ZNF366: variants seen among roughly 807,000 people sequenced by gnomAD.
ZNF366 encodes the protein dendritic cell-specific transcript protein.
In ZNF366, 20 loss-of-function variants were observed where a neutral mutation model predicts 47.2. That is an observed-to-expected ratio of 0.42 (90% confidence interval 0.30 to 0.62). The LOEUF (loss-of-function observed/expected upper bound fraction) is 0.62, where lower values mean the gene tolerates loss of function less well. ZNF366 is among the 20% of genes least tolerant of loss of function. The probability of loss-of-function intolerance (pLI) is 0.16; values close to 1 mark genes in which losing one functional copy is unlikely to be tolerated. For synonymous variants in ZNF366, 421 were observed against 395.1 expected, an observed-to-expected ratio of 1.07 and a Z score of -0.78; for missense variants, 987 against 976.3, an observed-to-expected ratio of 1.01 and a Z score of -0.15.
In ZNF366 at chr5:72,470,942, C is replaced by T. The variant is rs187314029; in HGVS notation, c.-14-9432G>A. 9.3e-3 allele frequency among the ~76,000 whole-genome samples: 1,413 copies of T among 152,306 alleles called. 71 individuals carry two copies. Among genetic ancestry groups the T allele is most frequent in the Admixed American group, 0.085 (1,295 of 15,304 alleles). On this transcript the variant is annotated intron_variant, in intron 1 of 4. Transcript: ENST00000318442. ...ATATGAAAGATAGAATGTCCTGTTT[C>T]ACTGAAATAACATAAAGGAATGTGG...
intron 1 of ZNF366, among the ~76,000 whole-genome samples, chr5:72,497,788 T>C (rs181688778): frequency 7.9e-4 from 121 of 152,330 alleles, no homozygotes; most frequent in Non-Finnish European, 1.3e-3. Context: ...AAATGTTTCA[T>C]CTTTGCCGAT....
rs190259409 is a variant in ZNF366 at position 72,445,261 on chromosome 5, C to T, written c.1700-970G>A. ...TTGATCCTGTCTTTAAGGCTTTGACCTTTGATGAGCCAATAGTCAGGCCTC... is the reference window on the plus strand; with the variant it reads ...TTGATCCTGTCTTTAAGGCTTTGACTTTTGATGAGCCAATAGTCAGGCCTC... On this transcript the variant is annotated intron_variant, in intron 4 of 4. Coordinates refer to ENST00000318442, the MANE Select transcript of ZNF366 (RefSeq NM_152625.3). Among the ~76,000 whole-genome samples the T allele has an allele frequency of 4.9e-4, 74 of 152,212 alleles. 1 individual carries two copies. The highest frequency in any genetic ancestry group is 2.9e-4 in the Non-Finnish European group (20 of 68,014).
intron 1 of ZNF366, among the ~76,000 whole-genome samples, chr5:72,479,639 T>C (rs1186235751): frequency 6.6e-6 from 1 of 152,158 alleles, no homozygotes; most frequent in Non-Finnish European, 1.5e-5. Flanking sequence ...ACAATACTAA[T>C]GATGAATTTT....
At chr5:72,493,075 C>T (rs1211174694) in intron 1 of ZNF366, among the ~76,000 whole-genome samples, 1 of 152,208 alleles carries the variant, frequency 6.6e-6, no homozygotes, top group African/African-American at 2.4e-5. Context: ...TCTTAATTGC[C>T]TGCCTGTGAC....
In ZNF366 at chr5:72,447,413, C is replaced by T; in HGVS notation, c.1529G>A (p.Cys510Tyr). ...GTGCATCCGGTTGAATTCCTTCCCA[C>T]AAAGCTGTTGAAGATGGGGATGAGA... is the stretch of plus-strand genomic sequence containing the variant. ...SDVKPFKCKL[C>Y]GKEFNRMHNL... The change falls in exon 4 of 5, where the codon TGT (cysteine) becomes TAT (tyrosine). Residue 510 changes from cysteine to tyrosine, a missense_variant. By Grantham distance (194) the Cys-to-Tyr change is radical. Coordinates refer to ENST00000318442, the MANE Select transcript of ZNF366 (RefSeq NM_152625.3). 3 of 1,614,098 alleles carry T rather than the reference C, an allele frequency of 1.9e-6. No homozygotes were observed. The highest frequency in any genetic ancestry group is 2.5e-6 in the Non-Finnish European group (3 of 1,180,004).
At chr5:72,464,744 A>T (rs1216124940) in intron 1 of ZNF366, among the ~76,000 whole-genome samples, 1 of 152,238 alleles carries the variant, frequency 6.6e-6, no homozygotes, top group Admixed American at 6.5e-5. Flanking sequence ...GAATAAAATC[A>T]GAAACCCAGA....
chr5:72,478,968 A>G (rs1743728452), intron 1 of ZNF366, among the ~76,000 whole-genome samples: 1 of 152,162 alleles, frequency 6.6e-6, no homozygotes, highest in African/African-American at 2.4e-5. Context: ...TTTCATCACC[A>G]TCCCTGCCTC....
chr5:72,491,193 G>T (rs1232550839), intron 1 of ZNF366, among the ~76,000 whole-genome samples: 1 of 152,250 alleles, frequency 6.6e-6, no homozygotes, highest in Non-Finnish European at 1.5e-5. Context: ...TAGATGTAGA[G>T]CTGGCCCACA....
chr5:72,447,436 A>G lies in ZNF366; in HGVS notation c.1525-19T>C. Reference sequence around the variant, plus strand: ...CACAAAGCTGTTGAAGATGGGGATGAGAACACAGGTTACTCTGCCCGAGTG... The same window carrying G: ...CACAAAGCTGTTGAAGATGGGGATGGGAACACAGGTTACTCTGCCCGAGTG... On this transcript the variant is annotated intron_variant, in intron 3 of 4. Transcript: ENST00000318442. The G allele has an allele frequency of 6.2e-7, 1 of 1,613,630 alleles. No homozygotes were observed. The highest frequency in any genetic ancestry group is 8.5e-7 in the Non-Finnish European group (1 of 1,179,842).
chr5:72,449,607 T>A (rs543230683), intron 3 of ZNF366, among the ~76,000 whole-genome samples: 1 of 152,212 alleles, frequency 6.6e-6, no homozygotes, highest in Non-Finnish European at 1.5e-5. Context: ...AGAAAAAGCT[T>A]ACCTCATTTG....
chr5:72,474,716 A>T (rs1022248228), intron 1 of ZNF366, among the ~76,000 whole-genome samples: 2 of 152,198 alleles, frequency 1.3e-5, no homozygotes, highest in East Asian at 3.9e-4. Context: ...CAAGTTGCTT[A>T]TTCTTTGTGT....
At chr5:72,463,283 G>A (rs1743365435) in intron 1 of ZNF366, among the ~76,000 whole-genome samples, 1 of 152,086 alleles carries the variant, frequency 6.6e-6, no homozygotes, top group African/African-American at 2.4e-5. Context: ...ACAAAAATGA[G>A]CCTTTTTTTG....
chr5:72,467,335 T>C (rs1743451829), intron 1 of ZNF366, among the ~76,000 whole-genome samples: 1 of 152,154 alleles, frequency 6.6e-6, no homozygotes, highest in African/African-American at 2.4e-5. Context: ...GAGTTGGTTA[T>C]AGAAATAGGG....
At chr5:72,453,335 A>G (rs1221924027) in intron 3 of ZNF366, among the ~76,000 whole-genome samples, 1 of 152,244 alleles carries the variant, frequency 6.6e-6, no homozygotes, top group Admixed American at 6.5e-5. Context: ...CAATCACAAG[A>G]CATGAAGTGG....
At chr5:72,449,635 T>C (rs1479199867) in intron 3 of ZNF366, among the ~76,000 whole-genome samples, 1 of 152,258 alleles carries the variant, frequency 6.6e-6, no homozygotes, top group African/African-American at 2.4e-5. Flanking sequence ...GGATGGTTCC[T>C]GGTTATTTGG....
In ZNF366 at chr5:72,498,227, C is replaced by G. The variant is rs1422289454; in HGVS notation, c.-15+9024G>C. Among the ~76,000 whole-genome samples the G allele has an allele frequency of 2.6e-5, 4 of 151,972 alleles. No homozygotes were observed. The East Asian group carries it at 7.7e-4, about 29-fold the overall frequency. ...TATTTTTATTTTTAACATTTTAAGTCTTTCATCTATCTGGAATTTATTTTA... is the reference window on the plus strand; with the variant it reads ...TATTTTTATTTTTAACATTTTAAGTGTTTCATCTATCTGGAATTTATTTTA... On this transcript the variant is annotated intron_variant, in intron 1 of 4. Coordinates refer to ENST00000318442, the MANE Select transcript of ZNF366 (RefSeq NM_152625.3).
chr5:72,453,882 C>T (rs1743127810), intron 3 of ZNF366, among the ~76,000 whole-genome samples: 1 of 152,212 alleles, frequency 6.6e-6, no homozygotes, highest in African/African-American at 2.4e-5. Flanking sequence ...CATTGCTTCA[C>T]AAGAACGCCC....
chr5:72,496,344 G>A (rs1744112032), intron 1 of ZNF366, among the ~76,000 whole-genome samples: 1 of 152,092 alleles, frequency 6.6e-6, no homozygotes, highest in Non-Finnish European at 1.5e-5. Context: ...TGTGCTTTTA[G>A]AAATTTCTTA....
intron 1 of ZNF366, among the ~76,000 whole-genome samples, chr5:72,506,825 G>A (rs924389179): frequency 1.3e-5 from 2 of 152,152 alleles, no homozygotes; most frequent in African/African-American, 4.8e-5. Context: ...AACAGGAGAA[G>A]GGCACCTCAA....
Sources: allele counts gnomAD v4.1 joint callset (sites outside exome capture counted in the v4.1 genomes callset), GRCh38; gene constraint gnomAD v4.1.1; transcripts MANE v1.5; gene names NCBI Gene and HGNC (gene_info 2026-07-23, HGNC 2026-07-21).